The following KLRG1 variants were observed in gnomAD, a reference collection of about 807,000 sequenced individuals.
The protein encoded by KLRG1 is killer cell lectin like receptor G1.
In KLRG1, 16 loss-of-function variants were observed where a neutral mutation model predicts 21.8. The observed-to-expected ratio is 0.73, with a 90% CI of 0.50 to 1.11. The LOEUF (loss-of-function observed/expected upper bound fraction) is 1.11, where lower values mean the gene tolerates loss of function less well. Ranked by LOEUF, KLRG1 falls within the 50% of genes most tolerant of loss-of-function variation. KLRG1 has a pLI of 0.00. For missense variants in KLRG1, 173 were observed against 218.3 expected (o/e 0.79, Z 1.31); for synonymous variants, 69 against 75.9 (o/e 0.91, Z 0.47).
At chr12:9,045,853 T>C in the KLRG1 span, among the ~76,000 whole-genome samples, 1 of 152,226 alleles carries the variant, frequency 6.6e-6, no homozygotes, top group Admixed American at 6.5e-5. Flanking sequence ...TGGAATACTA[T>C]GCAGCCATAA....
At chr12:8,998,707 C>T (rs1476256699) in intron 3 of KLRG1, among the ~76,000 whole-genome samples, 1 of 148,206 alleles carries the variant, frequency 6.7e-6, no homozygotes, top group Non-Finnish European at 1.5e-5. Flanking sequence ...AAAAAAAAAT[C>T]CACATCAACT....
chr12:9,056,493 CTT>C, the KLRG1 span, among the ~76,000 whole-genome samples: 10 of 152,038 alleles, frequency 6.6e-5, no homozygotes, highest in African/African-American at 2.4e-4. Flanking sequence ...ATCTGAAAGA[CTT>C]AGCATAATTC....
chr12:9,077,074 A>T, the KLRG1 span: 898 of 755,880 alleles, frequency 1.2e-3, 6 homozygotes, highest in African/African-American at 0.014. Context: ...AATAGATATA[A>T]TATTATTTTT....
At chr12:9,156,910 CTA>C in the KLRG1 span, among the ~76,000 whole-genome samples, 2 of 151,768 alleles carry the variant, frequency 1.3e-5, no homozygotes, top group Non-Finnish European at 1.5e-5. Flanking sequence ...TATTATTTAT[CTA>C]TTTATTTATT....
the KLRG1 span, chr12:9,192,530 C>T: frequency 6.2e-7 from 1 of 1,613,426 alleles, no homozygotes; most frequent in South Asian, 1.1e-5. Context: ...GGAAACTGAG[C>T]TCCGATAACT....
At chr12:9,159,872 A>T in the KLRG1 span, 3 of 1,370,054 alleles carry the variant, frequency 2.2e-6, no homozygotes, top group East Asian at 6.9e-5. Flanking sequence ...AAATGGACTA[A>T]GACAGGTAAT....
chr12:9,048,870 C>A, the KLRG1 span, among the ~76,000 whole-genome samples: 2 of 150,110 alleles, frequency 1.3e-5, no homozygotes, highest in Non-Finnish European at 2.9e-5. Context: ...GAAAGGTATA[C>A]AGACTGGTAA....
At chr12:9,163,989 G>C in the KLRG1 span, 1 of 1,238,758 alleles carries the variant, frequency 8.1e-7, no homozygotes, top group Non-Finnish European at 1.1e-6. Flanking sequence ...AGTGGGAGGA[G>C]GTCATAGTGG....
At chr12:8,967,164 A>G (rs912334007) in intron 1 of KLRG1, among the ~76,000 whole-genome samples, 8 of 121,926 alleles carry the variant, frequency 6.6e-5, no homozygotes, top group Admixed American at 2.1e-4. Context: ...GAAGGGGAAC[A>G]TCACACACCG....
chr12:9,151,531 A>G, the KLRG1 span: 1 of 1,249,398 alleles, frequency 8.0e-7, no homozygotes, highest in Non-Finnish European at 1.2e-6. Flanking sequence ...CATGTTACCG[A>G]CTATTCTAGT....
At chr12:9,182,166 G>A in the KLRG1 span, 1 of 1,548,346 alleles carries the variant, frequency 6.5e-7, no homozygotes, top group Middle Eastern at 1.7e-4. Flanking sequence ...GAGACAAAAA[G>A]GTCATAAAAA....
At chr12:9,070,597 A>G in the KLRG1 span, 4 of 1,573,098 alleles carry the variant, frequency 2.5e-6, no homozygotes, top group African/African-American at 4.1e-5. Context: ...CCAGGGGAGG[A>G]AAGGATTAGG....
chr12:8,951,586 C>T lies in KLRG1; in HGVS notation c.-156+1350C>T, dbSNP rs540358266. On this transcript the variant is annotated intron_variant, in intron 1 of 4. Coordinates refer to the KLRG1 transcript ENST00000539240. ...CTTAACCAATGACATTAATGTTGAG[C>T]ATTTAAGTTATTTCTACTGACTTAT... Among the ~76,000 whole-genome samples the T allele has an allele frequency of 1.1e-3, 173 of 152,278 alleles. 1 individual carries two copies. Among genetic ancestry groups the T allele is most frequent in the South Asian group, 9.1e-3 (44 of 4,822 alleles).
chr12:8,965,111 A>G (rs1235241446), intron 1 of KLRG1, among the ~76,000 whole-genome samples: 1 of 152,238 alleles, frequency 6.6e-6, no homozygotes, highest in African/African-American at 2.4e-5. Context: ...ATAGATGCAG[A>G]AAAGGCCTTT....
At chr12:9,091,617 A>G in the KLRG1 span, among the ~76,000 whole-genome samples, 1 of 152,374 alleles carries the variant, frequency 6.6e-6, no homozygotes, top group East Asian at 1.9e-4. Context: ...TTTTAATTGT[A>G]GTATATCAGA....
chr12:9,060,122 A>G, the KLRG1 span, among the ~76,000 whole-genome samples: 4 of 147,420 alleles, frequency 2.7e-5, no homozygotes, highest in Non-Finnish European at 5.9e-5. Flanking sequence ...CTGCTGCCTC[A>G]GCCTCCCGAG....
chr12:9,010,057 G>T lies in KLRG1; in HGVS notation c.*520G>T, dbSNP rs1401804139. ...ATAAACCTAGCTGGCATGCTGGTGTGTACCTGTAGTCCTAGCTATTTGGGA... is the reference window on the plus strand; with the variant it reads ...ATAAACCTAGCTGGCATGCTGGTGTTTACCTGTAGTCCTAGCTATTTGGGA... On this transcript the variant is annotated 3_prime_UTR_variant, in exon 5 of 5. Coordinates refer to ENST00000356986, the MANE Select transcript of KLRG1 (RefSeq NM_005810.4). The T allele has an allele frequency of 6.6e-7, 1 of 1,516,040 alleles. No individual in the cohort carries two copies. The highest frequency in any genetic ancestry group is 8.8e-7 in the Non-Finnish European group (1 of 1,130,316). The allele number at this position is 1,516,040 out of a possible 1,614,324, so 93.9% of individuals were successfully genotyped here.
At chr12:8,967,794 G>A (rs977116598) in intron 1 of KLRG1, among the ~76,000 whole-genome samples, 59 of 152,260 alleles carry the variant, frequency 3.9e-4, no homozygotes, top group Non-Finnish European at 7.4e-4. Flanking sequence ...TAAAATGTAT[G>A]AAAACGGCCA....
At chr12:8,987,656 C>G (rs1186037564), upstream of KLRG1, among the ~76,000 whole-genome samples, 1 of 152,176 alleles carries the variant, frequency 6.6e-6, no homozygotes, top group East Asian at 1.9e-4. Context: ...AAGCAACTTC[C>G]TTTTCTTTTT....
Sources: gnomAD v4.1 joint callset for allele counts (sites outside exome capture counted in the v4.1 genomes callset) on GRCh38, gnomAD v4.1.1 for gene constraint, MANE v1.5 for transcripts, NCBI Gene and HGNC (gene_info 2026-07-23, HGNC 2026-07-21) for gene names.